The following TMEM223 variants were observed in gnomAD, a reference collection of about 807,000 sequenced individuals.
TMEM223 encodes transmembrane protein 223.
Under a neutral mutation model 14.1 loss-of-function variants are expected in TMEM223, and 14 were observed. The observed-to-expected ratio is 0.99, with a 90% CI of 0.66 to 1.55. The LOEUF (loss-of-function observed/expected upper bound fraction) is 1.55, where lower values mean the gene tolerates loss of function less well. TMEM223 is among the 40% of genes most tolerant of loss of function. The probability of loss-of-function intolerance (pLI) is 0.00; values close to 1 mark genes in which losing one functional copy is unlikely to be tolerated. For missense variants in TMEM223, 346 were observed against 269.9 expected (o/e 1.28, Z -1.97); for synonymous variants, 145 against 120.5 (o/e 1.20, Z -1.33).
At position 62,790,406 on chromosome 11, in the gene TMEM223, G is replaced by C; in HGVS notation, c.*217C>G. 1.7e-6 allele frequency: 1 copy of C among 575,136 alleles called. No individual in the cohort carries two copies. Among genetic ancestry groups the C allele is most frequent in the Non-Finnish European group, 3.0e-6 (1 of 331,476 alleles). The allele number at this position is 575,136 out of a possible 1,614,324, so 35.6% of individuals were successfully genotyped here. A position where few individuals can be genotyped will look rare whatever the true frequency, so the allele number is the denominator to read the frequency against. ...ATCTTGACCTCCTTGTGTGACCCTG[G>C]TTGTTACTCCATTCTAAGATTGGCG... On this transcript the variant is annotated 3_prime_UTR_variant, in exon 2 of 2. Transcript: ENST00000307366.
downstream of TMEM223, among the ~76,000 whole-genome samples, chr11:62,788,213 G>A (rs904736302): frequency 1.3e-5 from 2 of 151,854 alleles, no homozygotes; most frequent in Non-Finnish European, 2.9e-5. Flanking sequence ...GACCAGCCTG[G>A]CCAACATGGC....
Position 62,775,653 on chromosome 11 carries a change from T to C in TMEM223, c.315-988A>G. The C allele has an allele frequency of 5.2e-6, 6 of 1,143,750 alleles. No homozygotes were observed. In the Admixed American group the frequency reaches 1.3e-4, roughly 25 times the overall value. The allele number at this position is 1,143,750 out of a possible 1,614,324, so 70.9% of individuals were successfully genotyped here. The stretch of plus-strand genomic sequence containing the variant: ...CTTTCCTCATCTGGGTACTCAGAGC[T>C]CCTTGTTTAGAAACTCCAGAGCACG... On this transcript the variant is annotated intron_variant, in intron 1 of 2. Coordinates refer to the TMEM223 transcript ENST00000528367.
intron 1 of TMEM223, chr11:62,774,775 C>A (rs949430978): frequency 2.7e-6 from 1 of 368,612 alleles, no homozygotes; most frequent in East Asian, 8.8e-5. Flanking sequence ...ATGGCGAAAT[C>A]TTGTTTCTAC....
At chr11:62,787,617 C>T, downstream of TMEM223, 2 of 1,407,944 alleles carry the variant, frequency 1.4e-6, no homozygotes, top group Non-Finnish European at 1.9e-6. Flanking sequence ...GGGCTTGCTG[C>T]TGCTCGGAGC....
chr11:62,782,682 T>C (rs927763961), downstream of TMEM223: 2 of 1,611,214 alleles, frequency 1.2e-6, no homozygotes, highest in Non-Finnish European at 1.7e-6. Flanking sequence ...AACTGAATGG[T>C]GCTCCCACAG....
chr11:62,778,381 C>T, intron 1 of TMEM223: 1 of 1,610,738 alleles, frequency 6.2e-7, no homozygotes. Flanking sequence ...AATTTTCTCC[C>T]TTAGGTTCTG....
chr11:62,778,409 C>CTGAGGGTGGTG, intron 1 of TMEM223: 2 of 1,550,738 alleles, frequency 1.3e-6, no homozygotes, highest in Non-Finnish European at 1.8e-6. Context: ...TGCCTATGTG[C>CTGAGGGTGGTG]CCCCGAGTCT....
chr11:62,782,693 G>GA, downstream of TMEM223: 1 of 1,611,936 alleles, frequency 6.2e-7, no homozygotes, highest in Non-Finnish European at 8.5e-7. Flanking sequence ...GCTCCCACAG[G>GA]ACTCATGGGG....
intron 1 of TMEM223, among the ~76,000 whole-genome samples, chr11:62,779,219 G>A (rs1292018525): frequency 1.3e-5 from 2 of 151,758 alleles, no homozygotes; most frequent in Non-Finnish European, 2.9e-5. Flanking sequence ...TTTTGAAACG[G>A]AGTCTTGCAT....
chr11:62,780,146 C>T (rs2084218092), intron 1 of TMEM223, among the ~76,000 whole-genome samples: 1 of 150,890 alleles, frequency 6.6e-6, no homozygotes, highest in African/African-American at 2.4e-5. Context: ...TGGTGAAACC[C>T]CATCTTCACT....
rs1590934996 is a variant in TMEM223 at position 62,779,803 on chromosome 11, T to C, written c.315-5138A>G. On this transcript the variant is annotated intron_variant, in intron 1 of 2. Coordinates refer to the TMEM223 transcript ENST00000528367. Reference sequence around the variant, plus strand: ...ACCTCAGCTTCCCAAGTAGCTGGGATTACAGGGGCATACCACCATGCCTGG... The same window carrying C: ...ACCTCAGCTTCCCAAGTAGCTGGGACTACAGGGGCATACCACCATGCCTGG... Among the ~76,000 whole-genome samples, 6 of 149,928 alleles carry C rather than the reference T, an allele frequency of 4.0e-5. No individual in the cohort carries two copies. In the East Asian group the frequency reaches 1.2e-3, roughly 30 times the overall value.
downstream of TMEM223, chr11:62,787,340 A>G (rs774649650): frequency 1.3e-6 from 2 of 1,525,614 alleles, no homozygotes; most frequent in South Asian, 2.5e-5. Flanking sequence ...CCGCCCCCGG[A>G]AATGACGTCT....
chr11:62,783,515 ATAATAT>A (rs1207282786), downstream of TMEM223, among the ~76,000 whole-genome samples: 4 of 148,466 alleles, frequency 2.7e-5, no homozygotes, highest in African/African-American at 7.4e-5. Context: ...TGCCACTGTG[ATAATAT>A]TAAGAGGGAG....
At chr11:62,785,727 G>C (rs1399598707), downstream of TMEM223, among the ~76,000 whole-genome samples, 1 of 150,936 alleles carries the variant, frequency 6.6e-6, no homozygotes, top group Non-Finnish European at 1.5e-5. Context: ...TAGAGATGGG[G>C]TTTCACCATC....
chr11:62,789,482 G>A, downstream of TMEM223: 1 of 1,610,884 alleles, frequency 6.2e-7, no homozygotes, highest in Non-Finnish European at 8.5e-7. Context: ...CTCTGCAGCG[G>A]GGTCCTATAA....
intron 1 of TMEM223, chr11:62,776,002 T>C (rs2084185408): frequency 1.3e-6 from 2 of 1,515,196 alleles, no homozygotes; most frequent in Admixed American, 4.2e-5. Context: ...CCACCCTCGC[T>C]GATTTATTCA....
chr11:62,787,535 T>C (rs2084300767), downstream of TMEM223: 1 of 1,556,260 alleles, frequency 6.4e-7, no homozygotes, highest in Non-Finnish European at 8.6e-7. Flanking sequence ...CAGGTGCGGC[T>C]GCGGGGCGGG....
Position 62,791,659 on chromosome 11 carries a change from G to T in TMEM223, c.316+20C>A. The stretch of plus-strand genomic sequence containing the variant: ...CCGCCACCCCACGTTGTCACAGTGG[G>T]AAGCCAGCCCACGTCTTACCGATGG... On this transcript the variant is annotated intron_variant, in intron 1 of 1. Coordinates refer to ENST00000307366, the MANE Select transcript of TMEM223 (RefSeq NM_001080501.3). 1.3e-6 allele frequency: 2 copies of T among 1,509,902 alleles called. No individual in the cohort carries two copies. Among genetic ancestry groups the T allele is most frequent in the South Asian group, 2.5e-5 (2 of 80,144 alleles). 93.5% of individuals were successfully genotyped at this position (1,509,902 alleles called of 1,614,324 possible).
chr11:62,784,229 C>T (rs1351871692), downstream of TMEM223, among the ~76,000 whole-genome samples: 2 of 150,502 alleles, frequency 1.3e-5, no homozygotes, highest in African/African-American at 2.4e-5. Context: ...ACCTCGTGTT[C>T]CGCCCGCCTC....
Sources: gnomAD v4.1 joint callset for allele counts (sites outside exome capture counted in the v4.1 genomes callset) on GRCh38, gnomAD v4.1.1 for gene constraint, MANE v1.5 for transcripts, NCBI Gene and HGNC (gene_info 2026-07-23, HGNC 2026-07-21) for gene names.